Variants in FOXP1 observed in about 807,000 individuals in gnomAD.
FOXP1 encodes forkhead box protein P1.
In FOXP1, 15 loss-of-function variants were observed where a neutral mutation model predicts 98.2. The ratio of observed to expected loss-of-function variants is 0.15; its 90% CI spans 0.10 to 0.24. The LOEUF (loss-of-function observed/expected upper bound fraction) is 0.24. Ranked by LOEUF, FOXP1 falls within the 10% of genes least tolerant of loss-of-function variation. The probability of loss-of-function intolerance (pLI) is 1.00; values close to 1 mark genes in which losing one functional copy is unlikely to be tolerated. For missense variants in FOXP1, 633 were observed against 848.5 expected (o/e 0.75, Z 3.15); for synonymous variants, 371 against 314.5 (o/e 1.18, Z -1.90).
At chr3:71,118,594 G>T (rs1387290108) in intron 6 of FOXP1, among the ~76,000 whole-genome samples, 2 of 152,272 alleles carry the variant, frequency 1.3e-5, no homozygotes, top group East Asian at 1.9e-4. Context: ...ACACATGGAG[G>T]TCTTCAAAAA....
At chr3:71,202,660 A>G (rs1254037979) in intron 5 of FOXP1, among the ~76,000 whole-genome samples, 3 of 152,226 alleles carry the variant, frequency 2.0e-5, no homozygotes, top group African/African-American at 7.2e-5. Flanking sequence ...GAACTTGTCC[A>G]TTATTAAGAA....
chr3:71,536,136 G>A (rs1027538218), intron 2 of FOXP1, among the ~76,000 whole-genome samples: 2 of 152,096 alleles, frequency 1.3e-5, no homozygotes, highest in African/African-American at 4.8e-5. Context: ...GGTGCCTCAT[G>A]TCCTGAAGGA....
chr3:71,505,417 T>C (rs2041739376), intron 2 of FOXP1, among the ~76,000 whole-genome samples: 1 of 24,916 alleles, frequency 4.0e-5, no homozygotes, highest in East Asian at 2.3e-4. Flanking sequence ...GAGGGATGCT[T>C]TTTTTTTTTT....
At chr3:71,102,100 C>T (rs924417207) in intron 7 of FOXP1, among the ~76,000 whole-genome samples, 1 of 152,142 alleles carries the variant, frequency 6.6e-6, no homozygotes, top group Non-Finnish European at 1.5e-5. Context: ...ACAATCCCAA[C>T]AGCAAGGTGG....
At chr3:71,464,917 T>C (rs1465654052) in intron 3 of FOXP1, among the ~76,000 whole-genome samples, 3 of 152,180 alleles carry the variant, frequency 2.0e-5, no homozygotes, top group Admixed American at 2.0e-4. Flanking sequence ...CATCTAACCC[T>C]TAGTTTCCTC....
intron 7 of FOXP1, among the ~76,000 whole-genome samples, chr3:71,111,639 T>C (rs949651827): frequency 7.9e-5 from 12 of 152,160 alleles, no homozygotes; most frequent in African/African-American, 2.4e-5. Flanking sequence ...CCTCAAGTGA[T>C]CCGCCTGCCT....
At chr3:71,433,787 T>C (rs915312681) in intron 3 of FOXP1, among the ~76,000 whole-genome samples, 3 of 152,158 alleles carry the variant, frequency 2.0e-5, no homozygotes, top group African/African-American at 7.2e-5. Flanking sequence ...CCCTGACTGG[T>C]TACCTGGATG....
intron 7 of FOXP1, among the ~76,000 whole-genome samples, chr3:71,075,241 A>C (rs2053676341): frequency 6.6e-6 from 1 of 152,208 alleles, no homozygotes; most frequent in Non-Finnish European, 1.5e-5. Context: ...TCATCTATAA[A>C]AAAGAACTAA....
intron 5 of FOXP1, among the ~76,000 whole-genome samples, chr3:71,290,199 G>A (rs2072597667): frequency 6.6e-6 from 1 of 152,100 alleles, no homozygotes; most frequent in Non-Finnish European, 1.5e-5. Context: ...CTGTATTTTA[G>A]TGATGGGAGC....
intron 6 of FOXP1, among the ~76,000 whole-genome samples, chr3:71,158,131 GGGAGGGAGGCAGGGAA>G (rs1488796539): frequency 1.5e-5 from 1 of 65,264 alleles, no homozygotes; most frequent in African/African-American, 5.3e-5. Context: ...GAGGGAGGGA[GGGAGGGAGGCAGGGAA>G]GGAGGGAGGG....
Position 71,317,008 on chromosome 3 carries a change from C to T in FOXP1, c.-72-17128G>A, listed in dbSNP as rs997879682. Among the ~76,000 whole-genome samples the T allele has an allele frequency of 6.6e-5, 10 of 152,196 alleles. No homozygotes were observed. The East Asian group carries it at 1.2e-3, about 18-fold the overall frequency. ...TTCTGAAAACTGGAAAGAAATATAC[C>T]ATTGTGAAACAACTCTCAAAGTAAA... is the stretch of plus-strand genomic sequence containing the variant. On this transcript the variant is annotated intron_variant, in intron 4 of 20. Coordinates refer to ENST00000649528, the MANE Select transcript of FOXP1 (RefSeq NM_001349338.3).
chr3:71,021,401 T>C (rs2045413355), intron 11 of FOXP1, among the ~76,000 whole-genome samples: 1 of 152,246 alleles, frequency 6.6e-6, no homozygotes, highest in Admixed American at 6.5e-5. Context: ...AGCTGAATAG[T>C]ATTCCATTGT....
intron 2 of FOXP1, among the ~76,000 whole-genome samples, chr3:71,542,875 A>T (rs559175275): frequency 7.2e-5 from 11 of 152,184 alleles, no homozygotes; most frequent in Non-Finnish European, 1.3e-4. Context: ...ATAACACAAA[A>T]GCATGGAGGC....
chr3:71,295,931 T>C (rs796363056), intron 5 of FOXP1, among the ~76,000 whole-genome samples: 28 of 152,292 alleles, frequency 1.8e-4, no homozygotes, highest in African/African-American at 6.7e-4. Flanking sequence ...ACGGGACCGT[T>C]TTTCCAGTCT....
At chr3:70,973,215 G>T (rs967551033) in intron 17 of FOXP1, among the ~76,000 whole-genome samples, 1 of 151,468 alleles carries the variant, frequency 6.6e-6, no homozygotes, top group Non-Finnish European at 1.5e-5. Flanking sequence ...TCAAAGGATC[G>T]GGGGGTGGTG....
intron 3 of FOXP1, among the ~76,000 whole-genome samples, chr3:71,435,000 A>G (rs955726473): frequency 2.6e-5 from 4 of 151,698 alleles, no homozygotes; most frequent in African/African-American, 7.3e-5. Flanking sequence ...GCCATTTCAC[A>G]GCCCACTCTA....
chr3:71,583,114 G>C (rs2048320619), intron 1 of FOXP1, among the ~76,000 whole-genome samples: 1 of 151,806 alleles, frequency 6.6e-6, no homozygotes, highest in African/African-American at 2.4e-5. Flanking sequence ...GCCAACGCCG[G>C]ACATCGAAAG....
intron 3 of FOXP1, among the ~76,000 whole-genome samples, chr3:71,484,735 A>G (rs943422651): frequency 3.3e-5 from 5 of 152,064 alleles, no homozygotes; most frequent in Non-Finnish European, 7.4e-5. Flanking sequence ...CTCCCTAACC[A>G]GTCTAAGGGC....
chr3:71,357,898 C>G (rs958680209), intron 4 of FOXP1, among the ~76,000 whole-genome samples: 13 of 152,018 alleles, frequency 8.6e-5, no homozygotes, highest in African/African-American at 3.1e-4. Context: ...CAATTCTTAA[C>G]TAATATAATG....
Sources: allele counts gnomAD v4.1 joint callset (sites outside exome capture counted in the v4.1 genomes callset), GRCh38; gene constraint gnomAD v4.1.1; transcripts MANE v1.5; gene names NCBI Gene and HGNC (gene_info 2026-07-23, HGNC 2026-07-21).